Variants in ZAR1 observed in about 807,000 individuals in gnomAD.
The protein encoded by ZAR1 is zygote arrest protein 1.
ZAR1 carries 37 observed loss-of-function variants against 38.3 expected under a neutral mutation model. The ratio of observed to expected loss-of-function variants is 0.97; its 90% CI spans 0.74 to 1.27. The LOEUF (loss-of-function observed/expected upper bound fraction) is 1.27. ZAR1 is among the 50% of genes most tolerant of loss of function. The pLI is 0.00. For synonymous variants in ZAR1, 336 were observed against 292.0 expected (o/e 1.15, Z -1.53); for missense variants, 651 against 632.4 (o/e 1.03, Z -0.32).
rs1350170540 is a variant in ZAR1 at position 48,490,419 on chromosome 4, G to T, written c.128G>T (p.Arg43Leu). Residue 43 changes from arginine to leucine, a missense_variant, in exon 1 of 4, where the codon CGC becomes CTC. By Grantham distance (102) the Arg-to-Leu change is moderately radical. This residue lies in a region of ZAR1 where 522 missense variants were observed against 459.9 expected (regional missense o/e 1.14). Coordinates refer to ENST00000327939, the MANE Select transcript of ZAR1 (RefSeq NM_175619.3). ...KGAAGGSWQQ[R>L]GRGCLPASSP... is the part of the protein sequence containing the mutation. ...GCGGCGGGCGGCAGCTGGCAGCAGC[G>T]CGGCAGGGGCTGCCTTCCCGCCTCC... 1 of 1,482,240 alleles carries T rather than the reference G, an allele frequency of 6.7e-7. No homozygotes were observed. Among genetic ancestry groups the T allele is most frequent in the South Asian group, 1.3e-5 (1 of 78,976 alleles). 91.8% of individuals were successfully genotyped at this position (1,482,240 alleles called of 1,614,324 possible). A position where few individuals can be genotyped will look rare whatever the true frequency, so the allele number is the denominator to read the frequency against.
Position 48,491,121 on chromosome 4 carries a change from C to T in ZAR1, c.830C>T (p.Ala277Val), listed in dbSNP as rs1462344802. ...GAGGGCGAGGCGGCTCCGCGGTCGG[C>T]GCTAAGGAGCCCGGGGCAACCTCCG... The part of the protein sequence containing the change: ...AQEGEAAPRS[A>V]LRSPGQPPSA... Residue 277 changes from alanine to valine, a missense_variant, in exon 1 of 4, where the codon GCG becomes GTG. By Grantham distance (64) the Ala-to-Val change is moderately conservative. Transcript: ENST00000327939. 1.2e-5 allele frequency: 15 copies of T among 1,250,778 alleles called. No individual in the cohort carries two copies. The South Asian group carries it at 3.4e-4, about 28-fold the overall frequency. The allele number at this position is 1,250,778 out of a possible 1,614,324, so 77.5% of individuals were successfully genotyped here. A position where few individuals can be genotyped will look rare whatever the true frequency, so the allele number is the denominator to read the frequency against.
At chr4:48,491,622 C>CTG in intron 1 of ZAR1, among the ~76,000 whole-genome samples, 1 of 152,370 alleles carries the variant, frequency 6.6e-6, no homozygotes, top group South Asian at 2.1e-4. Context: ...CACTTGCCGG[C>CTG]TGGAGAGTCG....
At position 48,490,669 on chromosome 4, in the gene ZAR1, G is replaced by A. The variant is rs1265701683; in HGVS notation, c.378G>A (p.Thr126=). The change falls in exon 1 of 4, where the codon ACG becomes ACA. Residue 126 remains threonine (T), a synonymous_variant. Coordinates refer to ENST00000327939, the MANE Select transcript of ZAR1 (RefSeq NM_175619.3). ...TACAGTGCTCGCTGGGGAGGCGCAC[G>A]CTGCAGCGCCGGGCCCGCGACCCCG... ...AAVQCSLGRR[T]LQRRARDPES... 2 of 1,313,000 alleles carry A rather than the reference G, an allele frequency of 1.5e-6. No individual in the cohort carries two copies. Among genetic ancestry groups the A allele is most frequent in the African/African-American group, 1.5e-5 (1 of 64,518 alleles). The allele number at this position is 1,313,000 out of a possible 1,614,324, so 81.3% of individuals were successfully genotyped here.
chr4:48,493,021 G>A lies in ZAR1; in HGVS notation c.1131+9G>A. The stretch of plus-strand genomic sequence containing the variant: ...AGGATATCACCTGTCAAGTAAATCA[G>A]ATGTTTTGCATTTTGTCTGACCTGG... On this transcript the variant is annotated intron_variant, in intron 3 of 3. Coordinates refer to ENST00000327939, the MANE Select transcript of ZAR1 (RefSeq NM_175619.3). The A allele has an allele frequency of 6.2e-7, 1 of 1,614,034 alleles. No individual in the cohort carries two copies. Among genetic ancestry groups the A allele is most frequent in the Non-Finnish European group, 8.5e-7 (1 of 1,179,912 alleles).
chr4:48,491,944 T>G (rs1220077064), intron 1 of ZAR1, among the ~76,000 whole-genome samples: 4 of 151,970 alleles, frequency 2.6e-5, no homozygotes, highest in Middle Eastern at 6.8e-3. Context: ...GCACAAGAGG[T>G]GGTAAGAAGC....
rs1281604158 is a variant in ZAR1 at position 48,490,663 on chromosome 4, G to A, written c.372G>A (p.Arg124=). 10 of 1,332,622 alleles carry A rather than the reference G, an allele frequency of 7.5e-6. No homozygotes were observed. Among genetic ancestry groups the A allele is most frequent in the Admixed American group, 4.2e-5 (1 of 24,086 alleles). The allele number at this position is 1,332,622 out of a possible 1,614,324, so 82.5% of individuals were successfully genotyped here. ...IDAAVQCSLG[R]RTLQRRARDP... ...CCGCGGTACAGTGCTCGCTGGGGAGGCGCACGCTGCAGCGCCGGGCCCGCG... is the reference window on the plus strand; with the variant it reads ...CCGCGGTACAGTGCTCGCTGGGGAGACGCACGCTGCAGCGCCGGGCCCGCG... Residue 124 remains arginine, a synonymous_variant, in exon 1 of 4, where the codon AGG becomes AGA. Transcript: ENST00000327939.
In ZAR1 at chr4:48,490,825, C is replaced by A. The variant is rs570144212; in HGVS notation, c.534C>A (p.Thr178=). ...GAPRPMRFPR[T]VAVYSPLALR... ...CGCGGCCCATGCGCTTCCCGCGCAC[C>A]GTCGCCGTGTACTCGCCCCTGGCCT... The change falls in exon 1 of 4, where the codon ACC becomes ACA. Residue 178 remains threonine (T), a synonymous_variant. Transcript: ENST00000327939. 7 of 1,507,076 alleles carry A rather than the reference C, an allele frequency of 4.6e-6. No homozygotes were observed. Among genetic ancestry groups the A allele is most frequent in the Non-Finnish European group, 6.2e-6 (7 of 1,136,020 alleles). The allele number at this position is 1,507,076 out of a possible 1,614,324, so 93.4% of individuals were successfully genotyped here.
downstream of ZAR1, among the ~76,000 whole-genome samples, chr4:48,496,485 T>C (rs1445535179): frequency 1.3e-5 from 2 of 152,244 alleles, no homozygotes; most frequent in Admixed American, 1.3e-4. Flanking sequence ...TCTTTAATAT[T>C]GCTTGCCATT....
intron 3 of ZAR1, among the ~76,000 whole-genome samples, chr4:48,493,226 TA>T (rs1278857544): frequency 2.0e-5 from 3 of 152,220 alleles, no homozygotes; most frequent in Non-Finnish European, 2.9e-5. Flanking sequence ...TAACCTCTTC[TA>T]AAACTGTTAA....
chr4:48,491,014 C>T lies in ZAR1; in HGVS notation c.723C>T (p.Asp241=), dbSNP rs1206286289. The change falls in exon 1 of 4, where the codon GAC becomes GAT. Residue 241 remains aspartate (D), a synonymous_variant. Coordinates refer to ENST00000327939, the MANE Select transcript of ZAR1 (RefSeq NM_175619.3). ...KKAPRRPQSD[D]DGEAQAAVRA... Reference sequence around the variant, plus strand: ...CGCCCCGGCGGCCGCAGTCCGACGACGACGGCGAGGCCCAGGCCGCAGTCC... The same window carrying T: ...CGCCCCGGCGGCCGCAGTCCGACGATGACGGCGAGGCCCAGGCCGCAGTCC... 45 of 1,363,680 alleles carry T rather than the reference C, an allele frequency of 3.3e-5. 1 individual carries two copies. Among genetic ancestry groups the T allele is most frequent in the African/African-American group, 6.1e-5 (4 of 65,584 alleles). The allele number at this position is 1,363,680 out of a possible 1,614,324, so 84.5% of individuals were successfully genotyped here. A position where few individuals can be genotyped will look rare whatever the true frequency, so the allele number is the denominator to read the frequency against.
Position 48,490,938 on chromosome 4 carries a change from C to T in ZAR1, c.647C>T (p.Pro216Leu). 1 of 1,341,684 alleles carries T rather than the reference C, an allele frequency of 7.5e-7. No individual in the cohort carries two copies. The highest frequency in any genetic ancestry group is 9.5e-7 in the Non-Finnish European group (1 of 1,051,140). The allele number at this position is 1,341,684 out of a possible 1,614,324, so 83.1% of individuals were successfully genotyped here. A position where few individuals can be genotyped will look rare whatever the true frequency, so the allele number is the denominator to read the frequency against. ...SGASDGERGP[P>L]PARLQGPEEG... Reference sequence around the variant, plus strand: ...GCGTCGGACGGAGAGAGGGGGCCGCCGCCCGCGCGGCTTCAAGGCCCAGAG... The same window carrying T: ...GCGTCGGACGGAGAGAGGGGGCCGCTGCCCGCGCGGCTTCAAGGCCCAGAG... The change falls in exon 1 of 4, where the codon CCG (proline) becomes CTG (leucine). Residue 216 changes from proline to leucine, a missense_variant. Physicochemically the swap from Pro to Leu is moderately conservative, Grantham distance 98. Transcript: ENST00000327939.
chr4:48,493,482 T>G (rs527304658), intron 3 of ZAR1, among the ~76,000 whole-genome samples: 1 of 152,336 alleles, frequency 6.6e-6, no homozygotes, highest in Non-Finnish European at 1.5e-5. Flanking sequence ...GGGAGTTGAC[T>G]ATAATGGTAA....
chr4:48,490,921 C>T lies in ZAR1; in HGVS notation c.630C>T (p.Asp210=), dbSNP rs1005959702. The change falls in exon 1 of 4, where the codon GAC becomes GAT. Residue 210 remains aspartate, a synonymous_variant. Transcript: ENST00000327939. ...GCGAGCAGAGGTCCGGGGCGTCGGACGGAGAGAGGGGGCCGCCGCCCGCGC... is the reference window on the plus strand; with the variant it reads ...GCGAGCAGAGGTCCGGGGCGTCGGATGGAGAGAGGGGGCCGCCGCCCGCGC... The part of the protein sequence containing the change: ...AAGEQRSGAS[D]GERGPPPARL... The T allele has an allele frequency of 2.3e-5, 31 of 1,349,798 alleles. 1 individual carries two copies. The Admixed American group carries it at 2.7e-4, about 12-fold the overall frequency. 83.6% of individuals were successfully genotyped at this position (1,349,798 alleles called of 1,614,324 possible).
At chr4:48,492,671 G>C in intron 1 of ZAR1, 95 bp from the exon 2 acceptor site, 1 of 1,232,676 alleles carries the variant, frequency 8.1e-7, no homozygotes, top group Admixed American at 1.8e-5. Context: ...ATCTGAAGTT[G>C]CCAATTTCAA....
chr4:48,493,606 C>T (rs932547031), intron 3 of ZAR1, among the ~76,000 whole-genome samples: 5 of 152,232 alleles, frequency 3.3e-5, no homozygotes, highest in Non-Finnish European at 2.9e-5. Flanking sequence ...TCTTGTCACA[C>T]AGCTAATGGA....
intron 1 of ZAR1, 46 bp from the exon 2 acceptor site, chr4:48,492,720 T>C (rs372894859): frequency 1.3e-6 from 2 of 1,553,870 alleles, no homozygotes; most frequent in African/African-American, 2.7e-5. Flanking sequence ...AAATGAAGGA[T>C]AATTCAGGTG....
chr4:48,492,007 T>G (rs1376058428), intron 1 of ZAR1, among the ~76,000 whole-genome samples: 1 of 152,058 alleles, frequency 6.6e-6, no homozygotes, highest in Non-Finnish European at 1.5e-5. Context: ...TGGTATTCCT[T>G]TTGAGGGGCG....
Position 48,492,423 on chromosome 4 carries a change from T to C in ZAR1, c.964-343T>C, listed in dbSNP as rs957106340. 1.5e-4 allele frequency among the ~76,000 whole-genome samples: 23 copies of C among 152,220 alleles called. 1 individual carries two copies. Among genetic ancestry groups the C allele is most frequent in the Admixed American group, 1.2e-3 (18 of 15,288 alleles). On this transcript the variant is annotated intron_variant, in intron 1 of 3. Transcript: ENST00000327939. Reference sequence around the variant, plus strand: ...TCTTATTTTTCTTCAGCTTAATACATGTGTGCATAGTCTAAGATCAGGCTT... The same window carrying C: ...TCTTATTTTTCTTCAGCTTAATACACGTGTGCATAGTCTAAGATCAGGCTT...
At chr4:48,492,641 C>T in intron 1 of ZAR1, 125 bp from the exon 2 acceptor site, 1 of 894,988 alleles carries the variant, frequency 1.1e-6, no homozygotes. Context: ...GTACCCAAAC[C>T]TGACCTGCTT....
Sources: gnomAD v4.1 joint callset for allele counts (sites outside exome capture counted in the v4.1 genomes callset) on GRCh38, gnomAD v4.1.1 for gene constraint, gnomAD v4.1.1 regional missense constraint, MANE v1.5 for transcripts, NCBI Gene and HGNC (gene_info 2026-07-23, HGNC 2026-07-21) for gene names.